The following KAT2B variants were observed in gnomAD, a reference collection of about 807,000 sequenced individuals.
The protein encoded by KAT2B is histone acetyltransferase KAT2B.
A neutral mutation model predicts 105.9 loss-of-function variants in KAT2B; 36 were observed. The observed-to-expected ratio is 0.34, with a 90% CI of 0.26 to 0.45. KAT2B has a LOEUF of 0.45. Ranked by LOEUF, KAT2B falls within the 20% of genes least tolerant of loss-of-function variation. KAT2B has a pLI of 1.00. For synonymous variants in KAT2B, 397 were observed against 377.9 expected (o/e 1.05, Z -0.59); for missense variants, 820 against 1,021.6 (o/e 0.80, Z 2.69).
At chr3:20,111,531 T>C (rs1559318117) in intron 5 of KAT2B, 65 bp from the exon 6 acceptor site, 20 of 1,303,860 alleles carry the variant, frequency 1.5e-5, no homozygotes, top group Middle Eastern at 2.4e-4. Flanking sequence ...ATAAACATAA[T>C]TGAATATTTC....
chr3:20,076,045 C>T (rs1698413556), intron 2 of KAT2B, among the ~76,000 whole-genome samples: 1 of 152,092 alleles, frequency 6.6e-6, no homozygotes, highest in Non-Finnish European at 1.5e-5. Context: ...TGGTGAGCAG[C>T]TTCATCCTGG....
At chr3:20,095,687 A>T (rs958333746) in intron 3 of KAT2B, among the ~76,000 whole-genome samples, 7 of 152,246 alleles carry the variant, frequency 4.6e-5, no homozygotes, top group Admixed American at 4.6e-4. Flanking sequence ...TATTTATTGC[A>T]CATCTGTTCT....
intron 13 of KAT2B, among the ~76,000 whole-genome samples, chr3:20,144,483 G>GT (rs1192575514): frequency 6.6e-6 from 1 of 151,390 alleles, no homozygotes; most frequent in Non-Finnish European, 1.5e-5. Context: ...TAGAGAAGGG[G>GT]TTTCACTGTG....
rs765199450 is a variant in KAT2B at position 20,099,867 on chromosome 3, G to C, written c.582G>C (p.Leu194Phe). 6.4e-7 allele frequency: 1 copy of C among 1,571,276 alleles called. No homozygotes were observed. The highest frequency in any genetic ancestry group is 1.1e-5 in the South Asian group (1 of 88,904). Residue 194 changes from leucine to phenylalanine, a missense_variant, in exon 4 of 18, where the codon TTG (leucine) becomes TTC (phenylalanine). By Grantham distance (22) the Leu-to-Phe change is conservative. Transcript: ENST00000263754. The stretch of plus-strand genomic sequence containing the variant: ...TTTTAATGATTTCTTTGCAGCTCTT[G>C]AGAAAGTCTATTTTACAAAGAGGAA... Reference protein sequence around the residue: ...KQVYFYLFKLLRKSILQRGKP... With the variant: ...KQVYFYLFKLFRKSILQRGKP...
intron 1 of KAT2B, among the ~76,000 whole-genome samples, chr3:20,056,079 C>T (rs1271101528): frequency 2.0e-5 from 3 of 152,002 alleles, no homozygotes; most frequent in African/African-American, 4.8e-5. Flanking sequence ...ATTAGATTTC[C>T]GGTTTGAAGT....
At chr3:20,075,618 A>T (rs891967551) in intron 2 of KAT2B, among the ~76,000 whole-genome samples, 5 of 152,138 alleles carry the variant, frequency 3.3e-5, no homozygotes, top group African/African-American at 1.2e-4. Flanking sequence ...TGGCTTACAG[A>T]ACTCAAGGAA....
At chr3:20,139,436 A>G (rs1037410023) in intron 12 of KAT2B, among the ~76,000 whole-genome samples, 1 of 152,154 alleles carries the variant, frequency 6.6e-6, no homozygotes, top group Non-Finnish European at 1.5e-5. Context: ...GATCTCAGCT[A>G]TGGTTCTTAA....
At chr3:20,066,744 G>A (rs1308374827) in intron 1 of KAT2B, among the ~76,000 whole-genome samples, 5 of 148,532 alleles carry the variant, frequency 3.4e-5, no homozygotes, top group African/African-American at 7.5e-5. Flanking sequence ...CCACTGCACC[G>A]CATTAAAAAA....
chr3:20,118,358 G>A (rs1379491675), intron 7 of KAT2B, among the ~76,000 whole-genome samples: 3 of 142,850 alleles, frequency 2.1e-5, no homozygotes, highest in Admixed American at 1.4e-4. Flanking sequence ...GTGTGTGTGT[G>A]TATGTGTGTG....
Position 20,119,668 on chromosome 3 carries a change from C to T in KAT2B, c.1221C>T (p.Asn407=), listed in dbSNP as rs371334162. ...CCTCATCTTCCCTTGAGCAGCCAAA[C>T]GCAGGGAGCAGCAGTCCTGCCTGCA... The part of the protein sequence containing the change: ...NSTSSSLEQP[N]AGSSSPACKA... The change falls in exon 8 of 18, where the codon AAC becomes AAT. Residue 407 remains asparagine (N), a synonymous_variant. Transcript: ENST00000263754. The T allele has an allele frequency of 1.2e-4, 197 of 1,613,938 alleles. No individual in the cohort carries two copies. Among genetic ancestry groups the T allele is most frequent in the Admixed American group, 3.8e-4 (23 of 59,976 alleles).
chr3:20,121,729 CATATGTGTGTGTGTGTGTGTGTGT>C (rs1699311849), intron 8 of KAT2B, among the ~76,000 whole-genome samples: 2 of 120,372 alleles, frequency 1.7e-5, no homozygotes, highest in African/African-American at 6.8e-5. Context: ...TACACATATG[CATATGTGTGTGTGTGTGTGTGTGT>C]GTGTGTGTGT....
intron 2 of KAT2B, among the ~76,000 whole-genome samples, chr3:20,077,888 G>C (rs957877681): frequency 6.6e-5 from 10 of 152,114 alleles, no homozygotes; most frequent in Non-Finnish European, 1.5e-4. Flanking sequence ...TTAAAAAGCA[G>C]CTTGGGTCTT....
intron 11 of KAT2B, among the ~76,000 whole-genome samples, chr3:20,132,164 T>C (rs13317632): frequency 0.015 from 2,325 of 152,090 alleles, 67 homozygotes; most frequent in African/African-American, 0.053. Context: ...CACCTGAGGT[T>C]GGGAGTTTGA....
chr3:20,059,985 T>C (rs1019952287), intron 1 of KAT2B, among the ~76,000 whole-genome samples: 18 of 152,232 alleles, frequency 1.2e-4, no homozygotes, highest in Non-Finnish European at 1.0e-4. Flanking sequence ...GTATACAGTA[T>C]GTGGCCTTTT....
intron 2 of KAT2B, among the ~76,000 whole-genome samples, chr3:20,091,740 T>C (rs1029164288): frequency 6.6e-6 from 1 of 152,230 alleles, no homozygotes; most frequent in Non-Finnish European, 1.5e-5. Flanking sequence ...TTTAAGTTCT[T>C]CTCTGACCCA....
chr3:20,103,354 A>ATG (rs1698942546), intron 5 of KAT2B, among the ~76,000 whole-genome samples: 1 of 152,170 alleles, frequency 6.6e-6, no homozygotes, highest in African/African-American at 2.4e-5. Flanking sequence ...TCATCAAGAA[A>ATG]AAGGAGAATT....
intron 7 of KAT2B, among the ~76,000 whole-genome samples, chr3:20,116,926 A>G (rs1293051730): frequency 1.3e-5 from 2 of 152,242 alleles, no homozygotes; most frequent in Non-Finnish European, 2.9e-5. Flanking sequence ...CCAGAACTCT[A>G]ACCACTACAT....
chr3:20,062,872 C>CGTTGTT (rs766916682), intron 1 of KAT2B, among the ~76,000 whole-genome samples: 1 of 151,726 alleles, frequency 6.6e-6, no homozygotes, highest in Non-Finnish European at 1.5e-5. Context: ...TGTAAAATTT[C>CGTTGTT]GTTGTTGTTG....
chr3:20,134,243 T>TA (rs546641735), intron 11 of KAT2B, among the ~76,000 whole-genome samples: 51 of 152,360 alleles, frequency 3.3e-4, no homozygotes, highest in Non-Finnish European at 5.7e-4. Context: ...AGGTTTATTT[T>TA]ACCTTACATT....
Sources: gnomAD v4.1 joint callset for allele counts (sites outside exome capture counted in the v4.1 genomes callset) on GRCh38, gnomAD v4.1.1 for gene constraint, MANE v1.5 for transcripts, NCBI Gene and HGNC (gene_info 2026-07-23, HGNC 2026-07-21) for gene names.